Variants in ACSL5 observed in about 807,000 individuals in gnomAD.
ACSL5 encodes long-chain-fatty-acid--CoA ligase 5.
Under a neutral mutation model 84.9 loss-of-function variants are expected in ACSL5, and 50 were observed. The ratio of observed to expected loss-of-function variants is 0.59; its 90% CI spans 0.47 to 0.75. The LOEUF is 0.75. Among genes scored for constraint, ACSL5 ranks in the 30% least tolerant of loss-of-function variants. The pLI, the probability that ACSL5 is intolerant of heterozygous loss-of-function variation, is 0.00. For synonymous variants in ACSL5, 280 were observed against 300.7 expected (o/e 0.93, Z 0.71); for missense variants, 775 against 830.4 (o/e 0.93, Z 0.82).
At chr10:112,425,587 TA>T in intron 18 of ACSL5, 106 bp downstream of exon 18, 1 of 842,988 alleles carries the variant, frequency 1.2e-6, no homozygotes. Context: ...GATCCAAGCT[TA>T]TAAAACTAAA....
intron 12 of ACSL5, among the ~76,000 whole-genome samples, chr10:112,415,547 T>G (rs1294308979): frequency 6.6e-6 from 1 of 152,170 alleles, no homozygotes; most frequent in African/African-American, 2.4e-5. Context: ...TAAATCTCTT[T>G]TAGTTGAGGG....
intron 1 of ACSL5, among the ~76,000 whole-genome samples, chr10:112,377,544 C>T (rs1011947306): frequency 7.9e-5 from 12 of 152,056 alleles, no homozygotes; most frequent in Admixed American, 7.2e-4. Flanking sequence ...AAAAACAACA[C>T]ACAAACAAAC....
chr10:112,409,515 G>A lies in ACSL5; in HGVS notation c.541G>A (p.Ala181Thr), dbSNP rs200247887. ...IVHIVNKADI[A>T]MVICDTPQKA... ...TCTATTTTGGCTTCCAGCTGATATC[G>A]CCATGGTGATCTGTGACACACCCCA... Residue 181 changes from alanine to threonine, a missense_variant, in exon 7 of 21, where the codon GCC (alanine) becomes ACC (threonine). Coordinates refer to ENST00000354655, the MANE Select transcript of ACSL5 (RefSeq NM_203379.2). The A allele has an allele frequency of 3.6e-5, 58 of 1,612,972 alleles. No individual in the cohort carries two copies. The highest frequency in any genetic ancestry group is 1.6e-4 in the East Asian group (7 of 44,892).
chr10:112,416,546 G>A (rs1262233352), intron 12 of ACSL5, among the ~76,000 whole-genome samples: 2 of 151,576 alleles, frequency 1.3e-5, no homozygotes, highest in South Asian at 4.2e-4. Context: ...CCCTAGAAGT[G>A]GTGCCCATTG....
intron 3 of ACSL5, among the ~76,000 whole-genome samples, chr10:112,401,801 T>A (rs1843903364): frequency 1.4e-5 from 1 of 71,552 alleles, no homozygotes; most frequent in South Asian, 6.6e-4. Flanking sequence ...TCTTTCTTTC[T>A]TTCTTTCTTT....
chr10:112,393,644 C>T (rs1219218766), intron 1 of ACSL5, among the ~76,000 whole-genome samples: 1 of 152,186 alleles, frequency 6.6e-6, no homozygotes, highest in Non-Finnish European at 1.5e-5. Flanking sequence ...TGTGTGGCCT[C>T]ATCTCTGAGC....
At position 112,413,417 on chromosome 10, in the gene ACSL5, C is replaced by T. The variant is rs574814880; in HGVS notation, c.1083+110C>T. 31 of 1,331,350 alleles carry T rather than the reference C, an allele frequency of 2.3e-5. No homozygotes were observed. The South Asian group carries it at 2.8e-4, about 12-fold the overall frequency. 82.5% of individuals were successfully genotyped at this position (1,331,350 alleles called of 1,614,324 possible). On this transcript the variant is annotated intron_variant, in intron 12 of 20. Coordinates refer to ENST00000354655, the MANE Select transcript of ACSL5 (RefSeq NM_203379.2). ...TACCTCCACCCTCTACAAGTATCTA[C>T]GTAAAGCCGTGTGTAAATACAATCC...
chr10:112,409,800 A>G, intron 7 of ACSL5, 115 bp downstream of exon 7: 2 of 1,005,980 alleles, frequency 2.0e-6, no homozygotes, highest in Non-Finnish European at 3.0e-6. Context: ...GCACGTGAGG[A>G]GTAGATTAGA....
chr10:112,395,183 AG>A, intron 2 of ACSL5, 81 bp downstream of exon 2: 1 of 1,399,526 alleles, frequency 7.1e-7, no homozygotes, highest in Non-Finnish European at 9.9e-7. Flanking sequence ...TAGCTCATGA[AG>A]GGGATTGGGT....
At chr10:112,421,848 T>A (rs1844473047) in intron 15 of ACSL5, 99 bp from the exon 16 acceptor site, 1 of 1,404,144 alleles carries the variant, frequency 7.1e-7, no homozygotes, top group Non-Finnish European at 1.0e-6. Context: ...GATTTTTCAG[T>A]CTTCCTCTTC....
rs755920820 is a variant in ACSL5 at position 112,417,949 on chromosome 10, A to G, written c.1314+8A>G. ...GCAGCAATGGGATGTCAGGTAAGCC[A>G]AGCACCTTCTTTGAGAATAGGCTAT... On this transcript the variant is annotated splice_region_variant and intron_variant, in intron 14 of 20. Transcript: ENST00000354655. 1.3e-6 allele frequency: 2 copies of G among 1,590,976 alleles called. No individual in the cohort carries two copies. The highest frequency in any genetic ancestry group is 1.7e-6 in the Non-Finnish European group (2 of 1,167,918).
At chr10:112,426,071 G>C (rs1209620148) in intron 18 of ACSL5, among the ~76,000 whole-genome samples, 187 bp from the exon 19 acceptor site, 1 of 132,270 alleles carries the variant, frequency 7.6e-6, no homozygotes, top group Non-Finnish European at 1.6e-5. Flanking sequence ...ATGAGATATT[G>C]AGTGGGAAAA....
chr10:112,410,361 C>G (rs913621966), intron 7 of ACSL5, 102 bp from the exon 8 acceptor site: 8 of 1,581,588 alleles, frequency 5.1e-6, no homozygotes, highest in Non-Finnish European at 6.9e-6. Flanking sequence ...GCTTATATTC[C>G]CATAGAGATG....
intron 12 of ACSL5, among the ~76,000 whole-genome samples, chr10:112,414,274 C>T (rs1040822496): frequency 6.6e-6 from 1 of 150,894 alleles, no homozygotes; most frequent in African/African-American, 2.4e-5. Flanking sequence ...CAGCAATCTT[C>T]AAAAGTAGCC....
At chr10:112,382,760 A>G (rs962291168) in intron 1 of ACSL5, among the ~76,000 whole-genome samples, 3 of 152,192 alleles carry the variant, frequency 2.0e-5, no homozygotes, top group African/African-American at 7.2e-5. Flanking sequence ...TGTCTTACAC[A>G]TTGGGACTGT....
chr10:112,386,664 G>C (rs1849460103), intron 1 of ACSL5, among the ~76,000 whole-genome samples: 2 of 152,098 alleles, frequency 1.3e-5, no homozygotes, highest in African/African-American at 4.8e-5. Flanking sequence ...GCCTTCATTA[G>C]GGTTGCATTA....
At chr10:112,400,670 G>A (rs1039168678) in intron 3 of ACSL5, among the ~76,000 whole-genome samples, 4 of 152,020 alleles carry the variant, frequency 2.6e-5, no homozygotes, top group Non-Finnish European at 4.4e-5. Flanking sequence ...ACCTCCCAAA[G>A]TGCTGGGATT....
Position 112,427,275 on chromosome 10 carries a change from C to CCAA in ACSL5, c.1972_1974dup (p.Thr658dup). On this transcript the variant is annotated inframe_insertion, in exon 21 of 21. Transcript: ENST00000354655. ...TTCCATTGAAAATGGGCTCTTGACA[C>CCAA]CAACATTGAAAGCAAAGCGAGGAGA... is the stretch of plus-strand genomic sequence containing the variant. 1 of 1,613,840 alleles carries CCAA rather than the reference C, an allele frequency of 6.2e-7. No individual in the cohort carries two copies. The highest frequency in any genetic ancestry group is 8.5e-7 in the Non-Finnish European group (1 of 1,179,894).
rs1181447724 is a variant in ACSL5 at position 112,427,353 on chromosome 10, G to T, written c.2047G>T (p.Asp683Tyr). 11 of 1,611,578 alleles carry T rather than the reference G, an allele frequency of 6.8e-6. No individual in the cohort carries two copies. Among genetic ancestry groups the T allele is most frequent in the Non-Finnish European group, 8.5e-6 (10 of 1,178,998 alleles). The change falls in exon 21 of 21, where the codon GAT becomes TAT. Residue 683 changes from aspartate to tyrosine, a missense_variant. By Grantham distance (160) the Asp-to-Tyr change is radical (BLOSUM62 -3). Transcript: ENST00000354655. ...TGACAGCCTGTATGAGCACATCCAGGATTAGGATAAGGTACTTAAGTACCT... is the reference window on the plus strand; with the variant it reads ...TGACAGCCTGTATGAGCACATCCAGTATTAGGATAAGGTACTTAAGTACCT... ...QIDSLYEHIQ[D>Y]
Sources: allele counts gnomAD v4.1 joint callset (sites outside exome capture counted in the v4.1 genomes callset), GRCh38; gene constraint gnomAD v4.1.1; transcripts MANE v1.5; gene names NCBI Gene and HGNC (gene_info 2026-07-23, HGNC 2026-07-21).